Variants in TTN observed in about 807,000 individuals in gnomAD.
TTN encodes the protein titin.
TTN carries 1,525 observed loss-of-function variants against 3,223.0 expected under a neutral mutation model. That is an observed-to-expected ratio of 0.47 (90% CI 0.45 to 0.49). The LOEUF (loss-of-function observed/expected upper bound fraction) is 0.49. Among genes scored for constraint, TTN ranks in the 20% least tolerant of loss-of-function variants. TTN has a pLI of 0.00. For missense variants in TTN, 40,786 were observed against 43,424.0 expected (o/e 0.94, Z 5.40); for synonymous variants, 14,094 against 15,161.0 (o/e 0.93, Z 5.17).
chr2:178,778,820 G>T, intron 24 of TTN, 54 bp downstream of exon 24: 1 of 1,611,110 alleles, frequency 6.2e-7, no homozygotes, highest in South Asian at 1.1e-5. Context: ...GCTACTATTT[G>T]ATGTTTTGAA....
intron 210 of TTN, 66 bp downstream of exon 210, chr2:178,650,098 G>A: frequency 6.9e-7 from 1 of 1,447,474 alleles, no homozygotes; most frequent in Admixed American, 2.5e-5. Context: ...TTTGCCTTAA[G>A]GAAGATATAT....
rs1296046782 is a variant in TTN, at chr2:178,546,754, C to T, written c.94674G>A (p.Lys31558=). The stretch of plus-strand genomic sequence containing the variant: ...TGTCAGATACAATGGTGTAGTTGCA[C>T]TTCAGCCAGCGACCATCTCCTACCT... ...VSEVGDGRWL[K]CNYTIVSDNF... The change falls in exon 341 of 363, where the codon AAG becomes AAA. Residue 31558 remains lysine, a synonymous_variant. Transcript: ENST00000589042. The T allele has an allele frequency of 4.3e-6, 7 of 1,613,738 alleles. No individual in the cohort carries two copies. The Admixed American group carries it at 1.2e-4, about 27-fold the overall frequency.
chr2:178,625,989 C>T (rs1263736858), intron 240 of TTN, among the ~76,000 whole-genome samples: 1 of 151,890 alleles, frequency 6.6e-6, no homozygotes, highest in African/African-American at 2.4e-5. Context: ...CGTAGATATA[C>T]AGCACATATA....
At chr2:178,783,118 TTC>T in intron 17 of TTN, 54 bp from the exon 18 acceptor site, 1 of 1,595,974 alleles carries the variant, frequency 6.3e-7, no homozygotes, top group Admixed American at 1.7e-5. Context: ...CATTAATCAC[TTC>T]TGTTTTGTAA....
In TTN at chr2:178,736,378, G is replaced by A. The variant is rs146181339; in HGVS notation, c.14372-304C>T. 2.8e-4 allele frequency among the ~76,000 whole-genome samples: 43 copies of A among 152,284 alleles called. No homozygotes were observed. In the Middle Eastern group the frequency reaches 0.01, roughly 36 times the overall value. ...GGCTGCTTGTTTAATTATTTGATAA[G>A]CTATTGAGCTGATACTTTAATTCTG... On this transcript the variant is annotated intron_variant, in intron 49 of 362. Transcript: ENST00000589042.
Position 178,730,078 on chromosome 2 carries a change from A to G in TTN, c.18307+15T>C. The G allele has an allele frequency of 6.5e-7, 1 of 1,534,032 alleles. No homozygotes were observed. The highest frequency in any genetic ancestry group is 8.8e-7 in the Non-Finnish European group (1 of 1,134,760). On this transcript the variant is annotated intron_variant, in intron 62 of 362. Coordinates refer to ENST00000589042, the MANE Select transcript of TTN (RefSeq NM_001267550.2). ...TCTAGACAAGCAAGAAAGTGAGGAG[A>G]TGTAGAGACCAGACCTTTTACAAAG...
At chr2:178,777,680 T>G in intron 25 of TTN, 24 bp downstream of exon 25, 1 of 1,613,984 alleles carries the variant, frequency 6.2e-7, no homozygotes, top group Non-Finnish European at 8.5e-7. Flanking sequence ...TTATGATTCA[T>G]GAGCAAAAAC....
chr2:178,663,742 A>T (rs1385502449), intron 170 of TTN, 32 bp from the exon 171 acceptor site: 1 of 1,612,148 alleles, frequency 6.2e-7, no homozygotes, highest in Admixed American at 1.7e-5. Context: ...TACATTCAGA[A>T]GTTATGAAGA....
At position 178,712,367 on chromosome 2, in the gene TTN, G is replaced by A; in HGVS notation, c.27555C>T (p.Tyr9185=). 5 of 1,613,800 alleles carry A rather than the reference G, an allele frequency of 3.1e-6. No individual in the cohort carries two copies. In the South Asian group the frequency reaches 3.3e-5, roughly 11 times the overall value. The change falls in exon 95 of 363, where the codon TAC becomes TAT. Residue 9185 remains tyrosine, a synonymous_variant. Transcript: ENST00000589042. ...AATCTTTTCCAGAGGCATTTTCAAT[G>A]TAGCAGTTGTATTGTCCTGCATCCT... is the stretch of plus-strand genomic sequence containing the variant. ...TVEDAGQYNC[Y]IENASGKDSC...
At chr2:178,591,916 G>A (rs2050294702) in intron 302 of TTN, 24 bp from the exon 303 acceptor site, 1 of 1,604,468 alleles carries the variant, frequency 6.2e-7, no homozygotes, top group Non-Finnish European at 8.5e-7. Flanking sequence ...AAGTTATGAT[G>A]AAAAAGTAAT....
At chr2:178,559,219 T>C in intron 326 of TTN, 92 bp downstream of exon 326, 2 of 1,240,784 alleles carry the variant, frequency 1.6e-6, no homozygotes, top group Non-Finnish European at 2.2e-6. Flanking sequence ...CCCAAAAGCA[T>C]TTAAGATGAA....
At chr2:178,586,291 G>T (rs1432526949) in intron 308 of TTN, among the ~76,000 whole-genome samples, 1 of 152,074 alleles carries the variant, frequency 6.6e-6, no homozygotes, top group East Asian at 1.9e-4. Flanking sequence ...TAATAAATGG[G>T]TATTGTTTCA....
At position 178,713,317 on chromosome 2, in the gene TTN, G is replaced by C; in HGVS notation, c.26817C>G (p.Ser8939=). 1.3e-6 allele frequency: 2 copies of C among 1,579,822 alleles called. No homozygotes were observed. Among genetic ancestry groups the C allele is most frequent in the Non-Finnish European group, 8.6e-7 (1 of 1,161,256 alleles). The change falls in exon 93 of 363, where the codon TCC becomes TCG. Residue 8939 remains serine, a synonymous_variant. Transcript: ENST00000589042. ...TRKLKETNGL[S]GSSVVMECKV... Reference sequence around the variant, plus strand: ...TACACTCCATTACAACTGAGGAGCCGGATAGACCATTTGTCTCTTTCAATT... The same window carrying C: ...TACACTCCATTACAACTGAGGAGCCCGATAGACCATTTGTCTCTTTCAATT...
rs1312709127 is a variant in TTN at position 178,691,964 on chromosome 2, A to G, written c.31762+52T>C. ...AGTACATATGAAGATCGTAGAAAGC[A>G]AAAGGCTGGCACTTGGAGCAAAGAG... On this transcript the variant is annotated intron_variant, in intron 121 of 362. Transcript: ENST00000589042. 8 of 1,511,140 alleles carry G rather than the reference A, an allele frequency of 5.3e-6. No individual in the cohort carries two copies. In the South Asian group the frequency reaches 6.1e-5, roughly 11 times the overall value. The allele number at this position is 1,511,140 out of a possible 1,614,324, so 93.6% of individuals were successfully genotyped here.
rs1252926641 is a variant in TTN at position 178,777,830 on chromosome 2, C to G, written c.4354G>C (p.Glu1452Gln). ...ACAAAGACTGGTTTATATAGTCTCT[C>G]AAGTTGTGACTCATCTGTCTCCTCC... ...RLEETDESQL[E>Q]RLYKPVFVLK... Residue 1452 changes from glutamate to glutamine, a missense_variant, in exon 25 of 363, where the codon GAG (glutamate) becomes CAG (glutamine). Glu to Gln is a conservative substitution (Grantham distance 29). Coordinates refer to ENST00000589042, the MANE Select transcript of TTN (RefSeq NM_001267550.2). 1.2e-6 allele frequency: 2 copies of G among 1,614,024 alleles called. No individual in the cohort carries two copies. Among genetic ancestry groups the G allele is most frequent in the Non-Finnish European group, 1.7e-6 (2 of 1,179,966 alleles).
chr2:178,686,409 C>T (rs1218808483), intron 127 of TTN, among the ~76,000 whole-genome samples: 4 of 115,858 alleles, frequency 3.5e-5, no homozygotes, highest in South Asian at 3.7e-4. Flanking sequence ...CGTGAGCCAC[C>T]GCGCCCGGCC....
rs1308704992 is a variant in TTN, at chr2:178,597,974, C to T, written c.57196G>A (p.Val19066Ile). The T allele has an allele frequency of 6.2e-7, 1 of 1,613,454 alleles. No individual in the cohort carries two copies. Among genetic ancestry groups the T allele is most frequent in the Admixed American group, 1.7e-5 (1 of 59,982 alleles). The change falls in exon 293 of 363, where the codon GTC becomes ATC. Residue 19066 changes from valine (V) to isoleucine (I), a missense_variant. Coordinates refer to ENST00000589042, the MANE Select transcript of TTN (RefSeq NM_001267550.2). The stretch of plus-strand genomic sequence containing the variant: ...GGTTCTCCAATGCCAGCAATGTTGA[C>T]TGCTCTAACTCTAAATTTGTAGAAT... ...GAFYKFRVRA[V>I]NIAGIGEPGE...
chr2:178,593,864 C>A lies in TTN; in HGVS notation c.58436G>T (p.Arg19479Leu), dbSNP rs2288569. 2 of 1,609,758 alleles carry A rather than the reference C, an allele frequency of 1.2e-6. No homozygotes were observed. The highest frequency in any genetic ancestry group is 1.7e-6 in the Non-Finnish European group (2 of 1,178,774). The change falls in exon 298 of 363, where the codon CGT (arginine) becomes CTT (leucine). Residue 19479 changes from arginine to leucine, a missense_variant. Physicochemically the swap from Arg to Leu is moderately radical, Grantham distance 102. Transcript: ENST00000589042. ...AACTGGTCCTACTGGTGGTCCAGGA[C>A]GGTCTGCAGAAAAAAAAAATCATGG... The part of the protein sequence containing the change: ...KGFCQVNVVD[R>L]PGPPVGPVSF...
rs1314990516 is a variant in TTN, at chr2:178,570,834, T to C, written c.75298A>G (p.Ile25100Val). The stretch of plus-strand genomic sequence containing the variant: ...GGATCTACCTCATCTCTAGCTGTTA[T>C]TGCTCCTGTGCTTTCTGAAGGCTCA... ...FSEPSESTGA[I>V]TARDEVDPPR... The change falls in exon 326 of 363, where the codon ATA becomes GTA. Residue 25100 changes from isoleucine (I) to valine (V), a missense_variant. Physicochemically the swap from Ile to Val is conservative, Grantham distance 29. Coordinates refer to ENST00000589042, the MANE Select transcript of TTN (RefSeq NM_001267550.2). 3 of 1,613,586 alleles carry C rather than the reference T, an allele frequency of 1.9e-6. No homozygotes were observed. The highest frequency in any genetic ancestry group is 2.5e-6 in the Non-Finnish European group (3 of 1,179,632).
Sources: allele counts gnomAD v4.1 joint callset (sites outside exome capture counted in the v4.1 genomes callset), GRCh38; gene constraint gnomAD v4.1.1; transcripts MANE v1.5; gene names NCBI Gene and HGNC (gene_info 2026-07-23, HGNC 2026-07-21).